The following EPHA3 variants were observed in gnomAD, a reference collection of about 807,000 sequenced individuals.
EPHA3 encodes the protein ephrin type-A receptor 3.
In EPHA3, 42 loss-of-function variants were observed where a neutral mutation model predicts 107.1. The observed-to-expected ratio is 0.39, with a 90% CI of 0.31 to 0.51. The LOEUF is 0.51. Among genes scored for constraint, EPHA3 ranks in the 20% least tolerant of loss-of-function variants. The pLI is 0.78. For missense variants in EPHA3, 1,183 were observed against 1,211.2 expected (o/e 0.98, Z 0.35); for synonymous variants, 461 against 424.8 (o/e 1.09, Z -1.05).
chr3:89,280,152 T>C (rs1705906327), intron 3 of EPHA3, among the ~76,000 whole-genome samples: 1 of 152,088 alleles, frequency 6.6e-6, no homozygotes, highest in African/African-American at 2.4e-5. Flanking sequence ...ATATTAAAAT[T>C]ACAGATATTT....
At chr3:89,110,439 T>A (rs1186186683) in intron 1 of EPHA3, among the ~76,000 whole-genome samples, 3 of 151,954 alleles carry the variant, frequency 2.0e-5, no homozygotes, top group Non-Finnish European at 2.9e-5. Context: ...TAGAAAATGT[T>A]TAATCTGAAT....
At chr3:89,208,466 G>GAAAGAAAGAAAGAA (rs1559600903) in intron 2 of EPHA3, among the ~76,000 whole-genome samples, 8 of 128,036 alleles carry the variant, frequency 6.2e-5, no homozygotes, top group African/African-American at 1.9e-4. Context: ...AAGAAAGAAA[G>GAAAGAAAGAAAGAA]AAAGAAAGAA....
chr3:89,120,584 T>C (rs1707355619), intron 1 of EPHA3, among the ~76,000 whole-genome samples: 1 of 152,228 alleles, frequency 6.6e-6, no homozygotes. Context: ...AAGAAAATTT[T>C]AACACTTGAT....
At chr3:89,354,247 C>T (rs562535066) in intron 5 of EPHA3, among the ~76,000 whole-genome samples, 1 of 151,174 alleles carries the variant, frequency 6.6e-6, no homozygotes, top group African/African-American at 2.4e-5. Flanking sequence ...ATAATAGCAT[C>T]GTATGTGAGT....
chr3:89,473,113 A>T (rs73139118), intron 16 of EPHA3, among the ~76,000 whole-genome samples: 28,975 of 152,090 alleles, frequency 0.19, 3,330 homozygotes, highest in Non-Finnish European at 0.25. Context: ...AAACATAACA[A>T]CATGTATTCA....
In EPHA3 at chr3:89,285,345, T is replaced by G. The variant is rs375898005; in HGVS notation, c.815-55571T>G. Among the ~76,000 whole-genome samples, 31 of 152,248 alleles carry G rather than the reference T, an allele frequency of 2.0e-4. 1 individual carries two copies. The highest frequency in any genetic ancestry group is 1.1e-3 in the Admixed American group (17 of 15,290). Reference sequence around the variant, plus strand: ...AAATATTGGGAAAACACTTAGGTGCTAGGCAATTTTCTATGCAATTGGAAT... The same window carrying G: ...AAATATTGGGAAAACACTTAGGTGCGAGGCAATTTTCTATGCAATTGGAAT... On this transcript the variant is annotated intron_variant, in intron 3 of 16. Coordinates refer to ENST00000336596, the MANE Select transcript of EPHA3 (RefSeq NM_005233.6).
Position 89,470,022 on chromosome 3 carries a change from C to T in EPHA3, c.2691-2442C>T, listed in dbSNP as rs145742678. 8.3e-3 allele frequency among the ~76,000 whole-genome samples: 1,259 copies of T among 151,444 alleles called. 4 individuals are homozygous for T. The highest frequency in any genetic ancestry group is 0.017 in the Middle Eastern group (5 of 290). On this transcript the variant is annotated intron_variant, in intron 15 of 16. Coordinates refer to ENST00000336596, the MANE Select transcript of EPHA3 (RefSeq NM_005233.6). ...ATTGAAAGATTCTGAAGAACTAAAA[C>T]GGCAAAAAATCAAAATATACCCTCT...
Position 89,312,243 on chromosome 3 carries a change from T to C in EPHA3, c.815-28673T>C, listed in dbSNP as rs112355556. On this transcript the variant is annotated intron_variant, in intron 3 of 16. Coordinates refer to ENST00000336596, the MANE Select transcript of EPHA3 (RefSeq NM_005233.6). The stretch of plus-strand genomic sequence containing the variant: ...GACTTAGTGCACTTAAAGATTATAA[T>C]AATGTTTGTCTTTGATTTTTATTTA... 3.0e-4 allele frequency among the ~76,000 whole-genome samples: 46 copies of C among 152,122 alleles called. 2 individuals carry two copies. The highest frequency in any genetic ancestry group is 1.1e-3 in the African/African-American group (45 of 41,546).
rs1197169173 is a variant in EPHA3, at chr3:89,341,879, A to C, written c.1095A>C (p.Lys365Asn). 3 of 1,613,936 alleles carry C rather than the reference A, an allele frequency of 1.9e-6. No individual in the cohort carries two copies. Among genetic ancestry groups the C allele is most frequent in the Non-Finnish European group, 2.5e-6 (3 of 1,180,002 alleles). Reference sequence around the variant, plus strand: ...TTACCTTCAACATCATATGTAAAAAATGTGGGTGGAATATAAAACAGTGTG... The same window carrying C: ...TTACCTTCAACATCATATGTAAAAACTGTGGGTGGAATATAAAACAGTGTG... ...KDVTFNIICK[K>N]CGWNIKQCEP... The change falls in exon 5 of 17, where the codon AAA becomes AAC. Residue 365 changes from lysine to asparagine, a missense_variant. Lys to Asn is a moderately conservative substitution (Grantham distance 94). Transcript: ENST00000336596.
intron 3 of EPHA3, among the ~76,000 whole-genome samples, chr3:89,339,693 G>T (rs1490836200): frequency 1.3e-5 from 2 of 151,972 alleles, no homozygotes; most frequent in Admixed American, 6.6e-5. Flanking sequence ...ATATTGATTT[G>T]TTCACACAGG....
intron 2 of EPHA3, among the ~76,000 whole-genome samples, chr3:89,201,700 G>A (rs1214124440): frequency 1.3e-5 from 2 of 152,120 alleles, no homozygotes; most frequent in Non-Finnish European, 2.9e-5. Context: ...TTATTTCCAT[G>A]TTTAATATTA....
intron 2 of EPHA3, among the ~76,000 whole-genome samples, chr3:89,199,574 C>A (rs1403417394): frequency 2.0e-5 from 3 of 152,198 alleles, no homozygotes; most frequent in East Asian, 3.9e-4. Context: ...TTTGGTAAAT[C>A]TTTGAATACT....
At chr3:89,266,640 T>C (rs937355932) in intron 3 of EPHA3, among the ~76,000 whole-genome samples, 2 of 152,264 alleles carry the variant, frequency 1.3e-5, no homozygotes, top group African/African-American at 4.8e-5. Context: ...TCGGTCATCA[T>C]TGGTAATTTT....
chr3:89,268,572 A>G (rs1174421744), intron 3 of EPHA3, among the ~76,000 whole-genome samples: 2 of 151,968 alleles, frequency 1.3e-5, no homozygotes, highest in Non-Finnish European at 2.9e-5. Flanking sequence ...ATTTTATCAT[A>G]TAATTAATGT....
intron 3 of EPHA3, among the ~76,000 whole-genome samples, chr3:89,299,643 A>T (rs1706437608): frequency 6.6e-6 from 1 of 152,076 alleles, no homozygotes; most frequent in Non-Finnish European, 1.5e-5. Flanking sequence ...AAAGTAAGAA[A>T]ATAAGTATTC....
intron 1 of EPHA3, among the ~76,000 whole-genome samples, chr3:89,123,935 C>T (rs1704028811): frequency 6.6e-6 from 1 of 152,204 alleles, no homozygotes; most frequent in Non-Finnish European, 1.5e-5. Flanking sequence ...GAAGGGGTAA[C>T]TTACAGCTTT....
At chr3:89,242,011 T>A (rs926251918) in intron 3 of EPHA3, among the ~76,000 whole-genome samples, 4 of 152,174 alleles carry the variant, frequency 2.6e-5, no homozygotes, top group African/African-American at 7.2e-5. Flanking sequence ...AAGATTAAAT[T>A]GTCCTTTAGT....
intron 11 of EPHA3, among the ~76,000 whole-genome samples, chr3:89,427,841 A>C (rs191128913): frequency 6.6e-6 from 1 of 151,948 alleles, no homozygotes; most frequent in Non-Finnish European, 1.5e-5. Context: ...ATGCAATGTT[A>C]CATAATTCTA....
intron 4 of EPHA3, 80 bp from the exon 5 acceptor site, chr3:89,341,675 G>T (rs1707524767): frequency 8.7e-7 from 1 of 1,143,928 alleles, no homozygotes. Context: ...ACCTCATTCA[G>T]TTCCATTGTA....
Sources: allele counts gnomAD v4.1 joint callset (sites outside exome capture counted in the v4.1 genomes callset), GRCh38; gene constraint gnomAD v4.1.1; transcripts MANE v1.5; gene names NCBI Gene and HGNC (gene_info 2026-07-23, HGNC 2026-07-21).